The following KLHDC10 variants were observed in gnomAD, a reference collection of about 807,000 sequenced individuals.
KLHDC10 encodes kelch domain containing 10.
In KLHDC10, 24 loss-of-function variants were observed where a neutral mutation model predicts 56.1. The ratio of observed to expected loss-of-function variants is 0.43; its 90% CI spans 0.31 to 0.60. The LOEUF (loss-of-function observed/expected upper bound fraction) is 0.60, where lower values mean the gene tolerates loss of function less well. Among genes scored for constraint, KLHDC10 ranks in the 20% least tolerant of loss-of-function variants. The pLI, the probability that KLHDC10 is intolerant of heterozygous loss-of-function variation, is 0.11. For synonymous variants in KLHDC10, 188 were observed against 207.1 expected (o/e 0.91, Z 0.79); for missense variants, 349 against 567.0 (o/e 0.62, Z 3.91).
chr7:130,122,217 T>C lies in KLHDC10; in HGVS notation c.779+15T>C, dbSNP rs1193211138. 14 of 1,611,202 alleles carry C rather than the reference T, an allele frequency of 8.7e-6. No individual in the cohort carries two copies. The highest frequency in any genetic ancestry group is 1.3e-5 in the African/African-American group (1 of 74,826). On this transcript the variant is annotated intron_variant, in intron 5 of 9. Transcript: ENST00000335420. ...CCAGAAGAGAGGTGAGGTTCTAGGA[T>C]TCAAGCATATTTATTCTTTCGTGCT...
intron 1 of KLHDC10, among the ~76,000 whole-genome samples, chr7:130,088,900 T>TGGCA (rs1795731346): frequency 6.6e-6 from 1 of 152,150 alleles, no homozygotes; most frequent in African/African-American, 2.4e-5. Context: ...CCCAAAATGC[T>TGGCA]GGCATTACAG....
chr7:130,115,935 GTATAAT>G, intron 2 of KLHDC10, among the ~76,000 whole-genome samples: 1 of 152,084 alleles, frequency 6.6e-6, no homozygotes, highest in African/African-American at 2.4e-5. Flanking sequence ...CATTGTAAGT[GTATAAT>G]TATATCTTGT....
At chr7:130,080,882 C>T (rs113377700) in intron 1 of KLHDC10, among the ~76,000 whole-genome samples, 1 of 152,078 alleles carries the variant, frequency 6.6e-6, no homozygotes, top group Admixed American at 6.5e-5. Flanking sequence ...TACTCATTAT[C>T]ATTTCTTATT....
intron 1 of KLHDC10, among the ~76,000 whole-genome samples, chr7:130,085,133 G>A (rs1795667456): frequency 6.6e-6 from 1 of 151,680 alleles, no homozygotes; most frequent in Non-Finnish European, 1.5e-5. Flanking sequence ...GGGAGTTTGA[G>A]ACCAGCCTGG....
intron 2 of KLHDC10, among the ~76,000 whole-genome samples, chr7:130,099,784 A>C (rs1287611233): frequency 6.6e-6 from 1 of 152,208 alleles, no homozygotes; most frequent in African/African-American, 2.4e-5. Flanking sequence ...AAATTTAATT[A>C]AAGGCTAATT....
At chr7:130,104,507 G>A (rs1416348647) in intron 2 of KLHDC10, among the ~76,000 whole-genome samples, 1 of 152,178 alleles carries the variant, frequency 6.6e-6, no homozygotes, top group Non-Finnish European at 1.5e-5. Context: ...AAAAAAGACA[G>A]TTCAATGAGA....
At chr7:130,111,718 C>A (rs1304404337) in intron 2 of KLHDC10, among the ~76,000 whole-genome samples, 3 of 151,784 alleles carry the variant, frequency 2.0e-5, no homozygotes, top group Non-Finnish European at 4.4e-5. Context: ...AAGACCCTGT[C>A]TCAAAGGAAA....
chr7:130,118,189 TA>T (rs1364888943), intron 3 of KLHDC10, among the ~76,000 whole-genome samples: 9 of 151,940 alleles, frequency 5.9e-5, no homozygotes, highest in African/African-American at 1.9e-4. Context: ...AAAATAAAAA[TA>T]AAAAAAATTA....
intron 2 of KLHDC10, among the ~76,000 whole-genome samples, chr7:130,104,162 A>G (rs1432309580): frequency 6.6e-6 from 1 of 152,224 alleles, no homozygotes; most frequent in East Asian, 1.9e-4. Context: ...AAAGGTCTTC[A>G]TCCTTACTGT....
intron 2 of KLHDC10, among the ~76,000 whole-genome samples, chr7:130,100,871 G>A (rs1470396475): frequency 6.6e-6 from 1 of 151,920 alleles, no homozygotes; most frequent in Non-Finnish European, 1.5e-5. Flanking sequence ...AACAGTAATG[G>A]CGTAATGAAA....
chr7:130,099,892 C>T (rs1414270751), intron 2 of KLHDC10, among the ~76,000 whole-genome samples: 1 of 152,094 alleles, frequency 6.6e-6, no homozygotes, highest in African/African-American at 2.4e-5. Flanking sequence ...TGGTGGCCTA[C>T]ACCTGCAATC....
Position 130,124,475 on chromosome 7 carries a change from C to T in KLHDC10, c.804C>T (p.Asp268=), listed in dbSNP as rs755556916. 1.6e-5 allele frequency: 25 copies of T among 1,599,622 alleles called. No homozygotes were observed. Among genetic ancestry groups the T allele is most frequent in the African/African-American group, 1.1e-4 (8 of 74,590 alleles). The change falls in exon 6 of 10, where the codon GAC becomes GAT. Residue 268 remains aspartate, a synonymous_variant. Transcript: ENST00000335420. ...GATACCGACATGAAATTGCACATGA[C>T]GGGCAGAGGATTTACATCTTGGGAG... ...EERYRHEIAH[D]GQRIYILGGG...
intron 1 of KLHDC10, among the ~76,000 whole-genome samples, chr7:130,077,210 C>A (rs1335660144): frequency 6.6e-6 from 1 of 151,436 alleles, no homozygotes; most frequent in Non-Finnish European, 1.5e-5. Context: ...TAAAACTTAG[C>A]CGTTCTTGGT....
intron 4 of KLHDC10, among the ~76,000 whole-genome samples, chr7:130,121,137 C>A (rs886700156): frequency 1.3e-5 from 2 of 150,558 alleles, no homozygotes; most frequent in African/African-American, 4.9e-5. Flanking sequence ...GTTTCTAATT[C>A]AATTTAGGTC....
At chr7:130,122,285 C>A in intron 5 of KLHDC10, 83 bp downstream of exon 5, 1 of 1,325,794 alleles carries the variant, frequency 7.5e-7, no homozygotes, top group Non-Finnish European at 1.0e-6. Context: ...TGAAGAAAAC[C>A]CTTTGGCCCC....
intron 1 of KLHDC10, among the ~76,000 whole-genome samples, chr7:130,083,823 C>T (rs1318080464): frequency 2.0e-5 from 3 of 152,170 alleles, no homozygotes; most frequent in African/African-American, 7.2e-5. Flanking sequence ...CTGCCTTGAT[C>T]TCCCTTCATT....
At chr7:130,107,028 C>T (rs913521209) in intron 2 of KLHDC10, among the ~76,000 whole-genome samples, 6 of 152,154 alleles carry the variant, frequency 3.9e-5, no homozygotes, top group African/African-American at 9.7e-5. Flanking sequence ...AACATTCTTA[C>T]GCATCCAGGG....
At chr7:130,113,559 C>T (rs1796129440) in intron 2 of KLHDC10, among the ~76,000 whole-genome samples, 1 of 152,130 alleles carries the variant, frequency 6.6e-6, no homozygotes, top group African/African-American at 2.4e-5. Context: ...TCTCAAAATC[C>T]TGACCTCAGG....
chr7:130,118,105 T>C (rs7803444), intron 3 of KLHDC10, among the ~76,000 whole-genome samples: 150,983 of 152,216 alleles, frequency 0.99, 74,898 homozygotes, highest in East Asian at 1. Context: ...CCTGGGAAGG[T>C]GGGGGTTGCA....
Sources: allele counts gnomAD v4.1 joint callset (sites outside exome capture counted in the v4.1 genomes callset), GRCh38; gene constraint gnomAD v4.1.1; transcripts MANE v1.5; gene names NCBI Gene and HGNC (gene_info 2026-07-23, HGNC 2026-07-21).